The following ITGAL variants were observed in gnomAD, a reference collection of about 807,000 sequenced individuals.
The protein encoded by ITGAL is integrin alpha-L.
Under a neutral mutation model 138.4 loss-of-function variants are expected in ITGAL, and 68 were observed. The ratio of observed to expected loss-of-function variants is 0.49; its 90% CI spans 0.40 to 0.60. ITGAL has a LOEUF of 0.60. ITGAL is among the 20% of genes least tolerant of loss of function. The pLI, the probability that ITGAL is intolerant of heterozygous loss-of-function variation, is 0.00. For synonymous variants in ITGAL, 561 were observed against 584.3 expected (o/e 0.96, Z 0.57); for missense variants, 1,256 against 1,478.6 (o/e 0.85, Z 2.47).
chr16:30,505,087 G>T, intron 18 of ITGAL, 157 bp from the exon 19 acceptor site: 1 of 535,766 alleles, frequency 1.9e-6, no homozygotes, highest in Non-Finnish European at 3.2e-6. Flanking sequence ...TGAGGCAGCA[G>T]AGTGGGGCAG....
Position 30,521,582 on chromosome 16 carries a change from G to C in ITGAL, c.3430G>C (p.Ala1144Pro). Reference protein sequence around the residue: ...GIPAEDSEQLASGQEAGDPGC... With the variant: ...GIPAEDSEQLPSGQEAGDPGC... ...CCCTGCAGAAGACTCTGAGCAGCTG[G>C]CATCTGGGCAAGAGGCTGGGGATCC... Residue 1144 changes from alanine (A) to proline (P), a missense_variant, in exon 31 of 31, where the codon GCA becomes CCA. Around this residue, in one of 3 missense-constraint regions of ITGAL, gnomAD observed 867 missense variants for 972.5 expected, o/e 0.89. Coordinates refer to ENST00000356798, the MANE Select transcript of ITGAL (RefSeq NM_002209.3). The C allele has an allele frequency of 6.2e-7, 1 of 1,614,182 alleles. No individual in the cohort carries two copies.
At chr16:30,489,177 T>G in intron 10 of ITGAL, 22 bp downstream of exon 10, 1 of 1,613,722 alleles carries the variant, frequency 6.2e-7, no homozygotes, top group Non-Finnish European at 8.5e-7. Context: ...GCTGGAGCAA[T>G]GGGCTGCAGG....
At chr16:30,496,389 C>T (rs770136818) in intron 14 of ITGAL, 47 bp from the exon 15 acceptor site, 6 of 1,613,622 alleles carry the variant, frequency 3.7e-6, no homozygotes, top group African/African-American at 2.7e-5. Flanking sequence ...TCCCTCCCTC[C>T]AACCTACCTC....
At chr16:30,513,588 G>A (rs1293138423) in intron 24 of ITGAL, among the ~76,000 whole-genome samples, 183 bp from the exon 25 acceptor site, 1 of 152,182 alleles carries the variant, frequency 6.6e-6, no homozygotes, top group Non-Finnish European at 1.5e-5. Flanking sequence ...CTGTGGAGAA[G>A]CTTTGGACAA....
At chr16:30,504,696 A>G (rs1281010340) in intron 18 of ITGAL, among the ~76,000 whole-genome samples, 1 of 151,076 alleles carries the variant, frequency 6.6e-6, no homozygotes, top group Non-Finnish European at 1.5e-5. Context: ...CAACAGCACG[A>G]AACCCTGTCT....
Position 30,513,756 on chromosome 16 carries a change from C to A in ITGAL, c.2787-15C>A. 1 of 1,609,544 alleles carries A rather than the reference C, an allele frequency of 6.2e-7. No homozygotes were observed. Among genetic ancestry groups the A allele is most frequent in the Non-Finnish European group, 8.5e-7 (1 of 1,175,952 alleles). ...GTCACTTCGTTCTTCCATCGCTGCCCTTCTCTCTCCGCAGCCAAGAAGACT... is the reference window on the plus strand; with the variant it reads ...GTCACTTCGTTCTTCCATCGCTGCCATTCTCTCTCCGCAGCCAAGAAGACT... On this transcript the variant is annotated splice_polypyrimidine_tract_variant and intron_variant, in intron 24 of 30. Coordinates refer to ENST00000356798, the MANE Select transcript of ITGAL (RefSeq NM_002209.3).
In ITGAL at chr16:30,489,103, C is replaced by T; in HGVS notation, c.1028C>T (p.Thr343Ile). ...VIEGTSKQDL[T>I]SFNMELSSSG... is the part of the protein sequence containing the mutation. ...CCAGGCACAAGCAAACAGGACCTGA[C>T]TTCCTTCAACATGGAGCTGTCCTCC... Residue 343 changes from threonine (T) to isoleucine (I), a missense_variant, in exon 10 of 31, where the codon ACT (threonine) becomes ATT (isoleucine). By Grantham distance (89) the Thr-to-Ile change is moderately conservative. Transcript: ENST00000356798. 1 of 1,613,868 alleles carries T rather than the reference C, an allele frequency of 6.2e-7. No homozygotes were observed. The highest frequency in any genetic ancestry group is 8.5e-7 in the Non-Finnish European group (1 of 1,180,036).
At position 30,498,916 on chromosome 16, in the gene ITGAL, A is replaced by G. The variant is rs34730516; in HGVS notation, c.1833-158A>G. 41 of 648,416 alleles carry G rather than the reference A, an allele frequency of 6.3e-5. 1 individual carries two copies. In the African/African-American group the frequency reaches 6.9e-4, roughly 11 times the overall value. 40.2% of individuals were successfully genotyped at this position (648,416 alleles called of 1,614,324 possible). A position where few individuals can be genotyped will look rare whatever the true frequency, so the allele number is the denominator to read the frequency against. On this transcript the variant is annotated intron_variant, in intron 15 of 30. Coordinates refer to ENST00000356798, the MANE Select transcript of ITGAL (RefSeq NM_002209.3). ...ACCCTCTCTCAAAATAAATAAATAA[A>G]AAGTATCATTATTATTTTCCTTAAG...
At position 30,479,228 on chromosome 16, in the gene ITGAL, T is replaced by C. The variant is rs772807164; in HGVS notation, c.445+20T>C. On this transcript the variant is annotated intron_variant, in intron 5 of 30. Coordinates refer to ENST00000356798, the MANE Select transcript of ITGAL (RefSeq NM_002209.3). ...TTCAGGGTAAGGAACTGGGGACTCA[T>C]TGGGTAAAAATACCTCCAAATGGCT... is the stretch of plus-strand genomic sequence containing the variant. The C allele has an allele frequency of 1.2e-5, 19 of 1,613,256 alleles. No individual in the cohort carries two copies. Among genetic ancestry groups the C allele is most frequent in the African/African-American group, 2.7e-5 (2 of 74,876 alleles).
At position 30,500,056 on chromosome 16, in the gene ITGAL, T is replaced by TATTA. The variant is rs1162448678; in HGVS notation, c.2145+568_2145+571dup. On this transcript the variant is annotated intron_variant, in intron 17 of 30. Coordinates refer to ENST00000356798, the MANE Select transcript of ITGAL (RefSeq NM_002209.3). ...GAGCCATCGCTCCTGGCCTATTTTATATTATTTATTTATTTATTTATTTAT... is the reference window on the plus strand; with the variant it reads ...GAGCCATCGCTCCTGGCCTATTTTATATTAATTATTTATTTATTTATTTATTTAT... Among the ~76,000 whole-genome samples, 10 of 125,192 alleles carry TATTA rather than the reference T, an allele frequency of 8.0e-5. No individual in the cohort carries two copies. In the East Asian group the frequency reaches 2.1e-3, roughly 27 times the overall value. The allele number at this position is 125,192 out of a possible 152,430, so 82.1% of individuals were successfully genotyped here. A position where few individuals can be genotyped will look rare whatever the true frequency, so the allele number is the denominator to read the frequency against.
chr16:30,509,993 C>T (rs1018529234), intron 21 of ITGAL, among the ~76,000 whole-genome samples: 1 of 151,428 alleles, frequency 6.6e-6, no homozygotes, highest in Non-Finnish European at 1.5e-5. Context: ...GACCCGAGAT[C>T]GCACCATTGC....
At position 30,494,688 on chromosome 16, in the gene ITGAL, C is replaced by T. The variant is rs1346244447; in HGVS notation, c.1366-25C>T. The T allele has an allele frequency of 4.4e-6, 7 of 1,586,302 alleles. No individual in the cohort carries two copies. The highest frequency in any genetic ancestry group is 6.0e-6 in the Non-Finnish European group (7 of 1,163,592). On this transcript the variant is annotated intron_variant, in intron 12 of 30. Coordinates refer to ENST00000356798, the MANE Select transcript of ITGAL (RefSeq NM_002209.3). The surrounding 1 kb of genome is among the most constrained non-coding windows in gnomAD (Gnocchi z 4.2). ...CCCCTGCTGTTCCCACAGGCGCTTC[C>T]CCAAACACCTGCCTCTCCCCACAGA...
At position 30,510,408 on chromosome 16, in the gene ITGAL, C is replaced by T. The variant is rs2051072554; in HGVS notation, c.2556C>T (p.Ser852=). The change falls in exon 22 of 31, where the codon TCC becomes TCT. Residue 852 remains serine (S), a synonymous_variant. Coordinates refer to ENST00000356798, the MANE Select transcript of ITGAL (RefSeq NM_002209.3). ...GCTGCGAGGAGCTTCCTGAAGAGTC[C>T]AGGCTTCTGTCCAGGGCATTATCTT... ...PVSCEELPEE[S]RLLSRALSCN... 1 of 1,613,406 alleles carries T rather than the reference C, an allele frequency of 6.2e-7. No homozygotes were observed. The highest frequency in any genetic ancestry group is 1.3e-5 in the African/African-American group (1 of 74,896).
chr16:30,479,410 T>C lies in ITGAL; in HGVS notation c.525T>C (p.Ile175=), dbSNP rs1254698285. 1.2e-6 allele frequency: 2 copies of C among 1,613,998 alleles called. No individual in the cohort carries two copies. Among genetic ancestry groups the C allele is most frequent in the Non-Finnish European group, 1.7e-6 (2 of 1,180,012 alleles). Reference sequence around the variant, plus strand: ...TGCAGCCAGATGAATTTCAGAAAATTCTGGACTTCATGAAGGATGTGATGA... The same window carrying C: ...TGCAGCCAGATGAATTTCAGAAAATCCTGGACTTCATGAAGGATGTGATGA... ...MSLQPDEFQK[I]LDFMKDVMKK... The change falls in exon 6 of 31, where the codon ATT becomes ATC. Residue 175 remains isoleucine, a synonymous_variant. Coordinates refer to ENST00000356798, the MANE Select transcript of ITGAL (RefSeq NM_002209.3).
chr16:30,483,802 T>A, intron 7 of ITGAL, 25 bp from the exon 8 acceptor site: 4 of 1,590,872 alleles, frequency 2.5e-6, no homozygotes, highest in Non-Finnish European at 3.4e-6. Context: ...GGGGAGTCTC[T>A]CATCTCCTCC....
At chr16:30,512,902 T>C (rs1281574092) in intron 24 of ITGAL, among the ~76,000 whole-genome samples, 2 of 152,144 alleles carry the variant, frequency 1.3e-5, no homozygotes, top group East Asian at 3.9e-4. Context: ...GGTTTCGCCA[T>C]GTTGGCCAGG....
intron 9 of ITGAL, among the ~76,000 whole-genome samples, chr16:30,486,844 G>A (rs944565998): frequency 6.6e-6 from 1 of 152,128 alleles, no homozygotes; most frequent in Non-Finnish European, 1.5e-5. Flanking sequence ...TGCCCAGACT[G>A]GAGTGCAGTA....
chr16:30,482,827 C>A (rs527755877), intron 7 of ITGAL, among the ~76,000 whole-genome samples: 2 of 152,048 alleles, frequency 1.3e-5, no homozygotes, highest in Admixed American at 6.6e-5. Context: ...CAGGAATTTT[C>A]TTTTTCTTTT....
chr16:30,502,131 C>A (rs555437460), intron 17 of ITGAL, among the ~76,000 whole-genome samples: 416 of 152,302 alleles, frequency 2.7e-3, no homozygotes, highest in African/African-American at 9.2e-3. Flanking sequence ...GGCGCGGTGG[C>A]TCACGCCTCT....
Sources: gnomAD v4.1 joint callset for allele counts (sites outside exome capture counted in the v4.1 genomes callset) on GRCh38, gnomAD v4.1.1 for gene constraint, gnomAD v4.1.1 regional missense constraint, Gnocchi (gnomAD v3.1) non-coding constraint, MANE v1.5 for transcripts, NCBI Gene and HGNC (gene_info 2026-07-23, HGNC 2026-07-21) for gene names.